Variants in ZNF704 observed in about 807,000 individuals in gnomAD.
The protein encoded by ZNF704 is glucocorticoid induced gene 1.
A neutral mutation model predicts 44.7 loss-of-function variants in ZNF704; 10 were observed. That is an observed-to-expected ratio of 0.22 (90% CI 0.14 to 0.38). ZNF704 has a LOEUF of 0.38. Ranked by LOEUF, ZNF704 falls within the 10% of genes least tolerant of loss-of-function variation. The pLI is 1.00. For synonymous variants in ZNF704, 211 were observed against 207.6 expected, an observed-to-expected ratio of 1.02 and a Z score of -0.14; for missense variants, 390 against 545.5, an observed-to-expected ratio of 0.71 and a Z score of 2.84.
At chr8:80,675,768 GATGCCTATT>G (rs1238516999) in intron 4 of ZNF704, among the ~76,000 whole-genome samples, 1 of 152,160 alleles carries the variant, frequency 6.6e-6, no homozygotes, top group Non-Finnish European at 1.5e-5. Flanking sequence ...TTAATTTTGA[GATGCCTATT>G]ATGTATCAAA....
intron 2 of ZNF704, among the ~76,000 whole-genome samples, chr8:80,718,964 A>G (rs1427616497): frequency 2.0e-5 from 3 of 151,004 alleles, no homozygotes; most frequent in Admixed American, 2.0e-4. Flanking sequence ...AGCACTCTAC[A>G]TTTTTTTTCT....
chr8:80,725,068 C>T (rs1266756840), intron 2 of ZNF704, among the ~76,000 whole-genome samples: 3 of 152,130 alleles, frequency 2.0e-5, no homozygotes, highest in Non-Finnish European at 4.4e-5. Context: ...AATCCTAGGA[C>T]TTGAAGAATA....
At chr8:80,871,567 T>C (rs982149005) in intron 1 of ZNF704, among the ~76,000 whole-genome samples, 4 of 152,232 alleles carry the variant, frequency 2.6e-5, no homozygotes, top group Admixed American at 2.6e-4. Context: ...CATGTACATC[T>C]GCATCTATGT....
At chr8:80,883,894 A>G in the ZNF704 span, among the ~76,000 whole-genome samples, 1 of 152,154 alleles carries the variant, frequency 6.6e-6, no homozygotes, top group South Asian at 2.1e-4. Flanking sequence ...TGCTATTTTT[A>G]TCTACACCAT....
chr8:80,728,006 T>A (rs1032681995), intron 2 of ZNF704, among the ~76,000 whole-genome samples: 2 of 152,170 alleles, frequency 1.3e-5, no homozygotes, highest in African/African-American at 2.4e-5. Context: ...TACAAGGGCA[T>A]GAGTTACAGT....
At chr8:80,841,335 C>A (rs7822848) in intron 1 of ZNF704, among the ~76,000 whole-genome samples, 42 of 152,306 alleles carry the variant, frequency 2.8e-4, no homozygotes, top group Non-Finnish European at 4.7e-4. Flanking sequence ...AAATAATACA[C>A]GGCAGAGGTA....
chr8:80,686,077 T>C (rs1818529583), intron 4 of ZNF704, among the ~76,000 whole-genome samples: 1 of 152,246 alleles, frequency 6.6e-6, no homozygotes, highest in South Asian at 2.1e-4. Flanking sequence ...TTTTCCTTTA[T>C]TCTGTGAAAT....
intron 2 of ZNF704, among the ~76,000 whole-genome samples, chr8:80,728,662 C>T (rs1221052916): frequency 2.6e-5 from 4 of 152,122 alleles, no homozygotes; most frequent in Admixed American, 2.6e-4. Context: ...TTTAAAGGCA[C>T]AGAGTAATTG....
At chr8:80,642,026 C>T (rs1173140169) in intron 8 of ZNF704, among the ~76,000 whole-genome samples, 1 of 152,182 alleles carries the variant, frequency 6.6e-6, no homozygotes, top group Non-Finnish European at 1.5e-5. Context: ...TAGAGAGCAA[C>T]ATTGCTCTTT....
At chr8:80,670,701 A>G in intron 4 of ZNF704, 98 bp from the exon 5 acceptor site, 1 of 814,560 alleles carries the variant, frequency 1.2e-6, no homozygotes, top group Non-Finnish European at 2.0e-6. Context: ...TTAGAAAAGT[A>G]GCAGCATCCC....
At chr8:80,686,762 G>A (rs1405386369) in intron 4 of ZNF704, among the ~76,000 whole-genome samples, 1 of 151,944 alleles carries the variant, frequency 6.6e-6, no homozygotes, top group Non-Finnish European at 1.5e-5. Flanking sequence ...TTATATCTCA[G>A]CTTTTATGTA....
In ZNF704 at chr8:80,632,081, A is replaced by G. The variant is rs1817596149; in HGVS notation, c.*9285T>C. 6.6e-6 allele frequency: 1 copy of G among 152,200 alleles called. No homozygotes were observed. The allele number at this position is 152,200 out of a possible 1,614,324, so 9.4% of individuals were successfully genotyped here. On this transcript the variant is annotated 3_prime_UTR_variant, in exon 9 of 9. Coordinates refer to ENST00000327835, the MANE Select transcript of ZNF704 (RefSeq NM_001033723.3). ...GCTAGAATGGGGACTGTTCTCTTTTAAAGCTGTTTCTTGAGTGCTGGTTTT... is the reference window on the plus strand; with the variant it reads ...GCTAGAATGGGGACTGTTCTCTTTTGAAGCTGTTTCTTGAGTGCTGGTTTT...
intron 1 of ZNF704, among the ~76,000 whole-genome samples, chr8:80,866,313 T>C (rs1302183969): frequency 6.6e-6 from 1 of 152,206 alleles, no homozygotes; most frequent in African/African-American, 2.4e-5. Flanking sequence ...TGTGTTAGAA[T>C]GTGGGCTCCC....
chr8:80,757,527 A>C (rs948098366), intron 2 of ZNF704, among the ~76,000 whole-genome samples: 8 of 152,118 alleles, frequency 5.3e-5, no homozygotes, highest in Non-Finnish European at 8.8e-5. Flanking sequence ...ATTGCTGAAG[A>C]AATTTTAAAA....
intron 7 of ZNF704, among the ~76,000 whole-genome samples, chr8:80,651,893 C>A (rs1429744915): frequency 1.3e-5 from 2 of 152,110 alleles, no homozygotes; most frequent in Non-Finnish European, 1.5e-5. Flanking sequence ...CACACCTATT[C>A]CAAAATTGAC....
At chr8:80,732,793 T>C (rs1156771862) in intron 2 of ZNF704, among the ~76,000 whole-genome samples, 1 of 151,930 alleles carries the variant, frequency 6.6e-6, no homozygotes, top group Non-Finnish European at 1.5e-5. Flanking sequence ...CCATCTCTAC[T>C]AAAAATACAA....
chr8:80,642,236 G>A (rs1355828960), intron 8 of ZNF704, among the ~76,000 whole-genome samples: 2 of 151,970 alleles, frequency 1.3e-5, no homozygotes, highest in Admixed American at 6.6e-5. Context: ...TCTTACTGTC[G>A]ATCTTCGCAA....
upstream of ZNF704, among the ~76,000 whole-genome samples, chr8:80,877,685 C>T (rs1316937790): frequency 6.6e-6 from 1 of 152,168 alleles, no homozygotes; most frequent in Admixed American, 6.5e-5. Flanking sequence ...AACATTTCAT[C>T]GTTCATTCTG....
intron 1 of ZNF704, among the ~76,000 whole-genome samples, chr8:80,828,206 T>C (rs1367426363): frequency 6.6e-6 from 1 of 152,220 alleles, no homozygotes; most frequent in Non-Finnish European, 1.5e-5. Context: ...ACAAAATCCC[T>C]TCTAAGGCCC....
Sources: gnomAD v4.1 joint callset for allele counts (sites outside exome capture counted in the v4.1 genomes callset) on GRCh38, gnomAD v4.1.1 for gene constraint, MANE v1.5 for transcripts, NCBI Gene and HGNC (gene_info 2026-07-23, HGNC 2026-07-21) for gene names.